Variants in SP4 observed in about 807,000 individuals in gnomAD.
SP4 encodes the protein transcription factor Sp4.
SP4 carries 19 observed loss-of-function variants against 72.8 expected under a neutral mutation model. The observed-to-expected ratio is 0.26, with a 90% CI of 0.18 to 0.38. The LOEUF (loss-of-function observed/expected upper bound fraction) is 0.38, where lower values mean the gene tolerates loss of function less well. Ranked by LOEUF, SP4 falls within the 10% of genes least tolerant of loss-of-function variation. SP4 has a pLI of 1.00. For missense variants in SP4, 1,008 were observed against 926.3 expected (o/e 1.09, Z -1.14); for synonymous variants, 395 against 333.1 (o/e 1.19, Z -2.02).
chr7:21,503,514 T>G (rs534972361), intron 5 of SP4, among the ~76,000 whole-genome samples: 31 of 152,344 alleles, frequency 2.0e-4, no homozygotes, highest in Non-Finnish European at 2.8e-4. Context: ...CCATTTAATT[T>G]GTAAACCTTC....
intron 5 of SP4, among the ~76,000 whole-genome samples, chr7:21,487,155 C>T (rs942493693): frequency 4.6e-5 from 7 of 152,136 alleles, no homozygotes; most frequent in African/African-American, 1.7e-4. Context: ...AATTGTTTCA[C>T]CTTTGGCCAT....
intron 5 of SP4, among the ~76,000 whole-genome samples, chr7:21,483,035 G>A (rs1028384660): frequency 2.0e-5 from 3 of 152,062 alleles, no homozygotes; most frequent in Non-Finnish European, 4.4e-5. Flanking sequence ...CTAGGTAATG[G>A]CTAAAGAGTC....
Position 21,429,643 on chromosome 7 carries a change from A to C in SP4, c.478A>C (p.Ser160Arg). ...QFQVIQVQNP[S>R]GSVQYQVIPQ... The stretch of plus-strand genomic sequence containing the variant: ...TCAAGTCATACAAGTACAAAATCCA[A>C]GTGGTAGTGTACAGTACCAAGTAAT... The change falls in exon 3 of 6, where the codon AGT becomes CGT. Residue 160 changes from serine (S) to arginine (R), a missense_variant. Physicochemically the swap from Ser to Arg is moderately radical, Grantham distance 110. Transcript: ENST00000222584. 1 of 1,614,106 alleles carries C rather than the reference A, an allele frequency of 6.2e-7. No homozygotes were observed. Among genetic ancestry groups the C allele is most frequent in the Non-Finnish European group, 8.5e-7 (1 of 1,179,932 alleles).
chr7:21,435,026 GTGTT>G (rs1356331751), intron 3 of SP4, among the ~76,000 whole-genome samples: 1 of 152,106 alleles, frequency 6.6e-6, no homozygotes, highest in Non-Finnish European at 1.5e-5. Flanking sequence ...TGAATTTCAG[GTGTT>G]ACATTTCCTT....
intron 3 of SP4, among the ~76,000 whole-genome samples, chr7:21,470,596 A>T (rs1274230542): frequency 6.6e-6 from 1 of 152,016 alleles, no homozygotes; most frequent in East Asian, 1.9e-4. Context: ...AAATTTTACT[A>T]CTCTACTAAG....
At chr7:21,452,892 C>T (rs938374744) in intron 3 of SP4, among the ~76,000 whole-genome samples, 7 of 151,776 alleles carry the variant, frequency 4.6e-5, no homozygotes, top group Admixed American at 1.3e-4. Context: ...AAGCGATTCT[C>T]CTGCCTCAGC....
intron 5 of SP4, among the ~76,000 whole-genome samples, chr7:21,486,466 G>A (rs559102610): frequency 2.6e-5 from 4 of 152,162 alleles, no homozygotes; most frequent in African/African-American, 9.6e-5. Flanking sequence ...TTAGTCTCCT[G>A]CAATCTGTGA....
At chr7:21,460,645 C>T (rs182723753) in intron 3 of SP4, among the ~76,000 whole-genome samples, 2 of 152,156 alleles carry the variant, frequency 1.3e-5, no homozygotes, top group African/African-American at 4.8e-5. Flanking sequence ...TTACAGAGAG[C>T]CGATTGGTCT....
Position 21,430,743 on chromosome 7 carries a change from G to C in SP4, c.1578G>C (p.Gln526His), listed in dbSNP as rs1394456792. 6.2e-7 allele frequency: 1 copy of C among 1,614,230 alleles called. No individual in the cohort carries two copies. The highest frequency in any genetic ancestry group is 1.3e-5 in the African/African-American group (1 of 75,058). Residue 526 changes from glutamine (Q) to histidine (H), a missense_variant, in exon 3 of 6, where the codon CAG (glutamine) becomes CAC (histidine). Physicochemically the swap from Gln to His is conservative, Grantham distance 24. This residue lies in a region of SP4 where 893 missense variants were observed against 743.3 expected (regional missense o/e 1.20). Coordinates refer to ENST00000222584, the MANE Select transcript of SP4 (RefSeq NM_003112.5). The stretch of plus-strand genomic sequence containing the variant: ...CCCCAATAACTTTGAATACTGCCCA[G>C]CTTGCATCAGTGCCTAACCTTCAGA... ...AGAPITLNTA[Q>H]LASVPNLQTV...
intron 3 of SP4, among the ~76,000 whole-genome samples, chr7:21,447,739 A>C (rs1057396854): frequency 3.9e-5 from 6 of 152,214 alleles, no homozygotes; most frequent in African/African-American, 1.4e-4. Context: ...GCTGGAATGC[A>C]GTGGCGTGAT....
At chr7:21,469,018 A>T (rs1377234775) in intron 3 of SP4, among the ~76,000 whole-genome samples, 1 of 152,122 alleles carries the variant, frequency 6.6e-6, no homozygotes, top group Non-Finnish European at 1.5e-5. Flanking sequence ...TGATTTAGTA[A>T]TCTCACTTCT....
chr7:21,493,533 T>G (rs57142662), intron 5 of SP4, among the ~76,000 whole-genome samples: 1 of 148,680 alleles, frequency 6.7e-6, no homozygotes, highest in African/African-American at 2.4e-5. Context: ...TGGGAAATAA[T>G]AAAGAGTAGA....
intron 5 of SP4, among the ~76,000 whole-genome samples, chr7:21,494,511 TAA>T (rs1467577026): frequency 6.6e-6 from 1 of 152,176 alleles, no homozygotes; most frequent in African/African-American, 2.4e-5. Flanking sequence ...AAGTAGTTTA[TAA>T]AAAGAGTGCC....
At chr7:21,476,705 T>TTG (rs1461680692) in intron 3 of SP4, among the ~76,000 whole-genome samples, 1 of 152,204 alleles carries the variant, frequency 6.6e-6, no homozygotes, top group Non-Finnish European at 1.5e-5. Context: ...TAATAAAGCT[T>TTG]TGTGTTTATA....
chr7:21,473,908 C>G (rs760527308), intron 3 of SP4, among the ~76,000 whole-genome samples: 1 of 152,104 alleles, frequency 6.6e-6, no homozygotes, highest in African/African-American at 2.4e-5. Flanking sequence ...AGGTCTTGCT[C>G]TGGAGTTTGG....
chr7:21,428,602 G>C (rs1446506135), intron 1 of SP4, 75 bp from the exon 2 acceptor site: 1 of 1,399,244 alleles, frequency 7.1e-7, no homozygotes, highest in African/African-American at 1.4e-5. Flanking sequence ...GGGGAGAAGA[G>C]GAGAGGAAGA....
chr7:21,484,369 T>C (rs546781218), intron 5 of SP4, among the ~76,000 whole-genome samples: 105 of 152,056 alleles, frequency 6.9e-4, no homozygotes, highest in African/African-American at 2.5e-3. Flanking sequence ...TAAGTACTTA[T>C]GTGTGGAATT....
At position 21,428,662 on chromosome 7, in the gene SP4, G is replaced by T. The variant is rs1325994119; in HGVS notation, c.8-15G>T. 4 of 1,535,806 alleles carry T rather than the reference G, an allele frequency of 2.6e-6. No homozygotes were observed. Among genetic ancestry groups the T allele is most frequent in the Admixed American group, 3.9e-5 (2 of 50,648 alleles). ...ACCTGTTGTCGTGTGTGTGTGGTGG[G>T]GGGGTTTGTTGCAGATCAGAAGAAG... On this transcript the variant is annotated splice_polypyrimidine_tract_variant and intron_variant, in intron 1 of 5. Coordinates refer to ENST00000222584, the MANE Select transcript of SP4 (RefSeq NM_003112.5).
At chr7:21,494,587 A>C (rs1310023443) in intron 5 of SP4, among the ~76,000 whole-genome samples, 3 of 152,190 alleles carry the variant, frequency 2.0e-5, no homozygotes, top group Non-Finnish European at 4.4e-5. Flanking sequence ...TATGCAAGAC[A>C]TGTAAGCTAA....
Sources: gnomAD v4.1 joint callset for allele counts (sites outside exome capture counted in the v4.1 genomes callset) on GRCh38, gnomAD v4.1.1 for gene constraint, gnomAD v4.1.1 regional missense constraint, MANE v1.5 for transcripts, NCBI Gene and HGNC (gene_info 2026-07-23, HGNC 2026-07-21) for gene names.